The following SLC1A6 variants were observed in gnomAD, a reference collection of about 807,000 sequenced individuals.
SLC1A6 encodes excitatory amino acid transporter 4.
A neutral mutation model predicts 42.1 loss-of-function variants in SLC1A6; 15 were observed. The observed-to-expected ratio is 0.36, with a 90% CI of 0.24 to 0.55. SLC1A6 has a LOEUF of 0.55. Among genes scored for constraint, SLC1A6 ranks in the 20% least tolerant of loss-of-function variants. The pLI, the probability that SLC1A6 is intolerant of heterozygous loss-of-function variation, is 0.88. For synonymous variants in SLC1A6, 317 were observed against 319.7 expected (o/e 0.99, Z 0.09); for missense variants, 542 against 772.5 (o/e 0.70, Z 3.54).
chr19:14,981,783 A>G (rs759042249), upstream of SLC1A6, among the ~76,000 whole-genome samples: 1 of 152,266 alleles, frequency 6.6e-6, no homozygotes, highest in Non-Finnish European at 1.5e-5. Context: ...AAGCCTAAGC[A>G]TGAGAAAAAC....
At chr19:14,960,663 C>T (rs903117136) in intron 6 of SLC1A6, among the ~76,000 whole-genome samples, 9 of 152,084 alleles carry the variant, frequency 5.9e-5, no homozygotes, top group Admixed American at 3.3e-4. Flanking sequence ...ATTGAAATAA[C>T]CAAGACACAG....
intron 1 of SLC1A6, among the ~76,000 whole-genome samples, chr19:14,998,715 T>C (rs2045858702): frequency 6.6e-6 from 1 of 152,144 alleles, no homozygotes; most frequent in Non-Finnish European, 1.5e-5. Context: ...TTCTTTGACA[T>C]ATTTTGAAAT....
chr19:14,980,675 A>G (rs1334024301), upstream of SLC1A6, among the ~76,000 whole-genome samples: 1 of 148,206 alleles, frequency 6.7e-6, no homozygotes, highest in Non-Finnish European at 1.5e-5. Flanking sequence ...AAAAAAAGTC[A>G]GTGCACGTTC....
intron 1 of SLC1A6, 166 bp from the exon 2 acceptor site, chr19:14,973,083 C>T (rs2045663894): frequency 1.7e-6 from 1 of 594,920 alleles, no homozygotes; most frequent in East Asian, 2.8e-5. Flanking sequence ...CTTTGGGAGG[C>T]AGAGGCAGGA....
chr19:14,964,301 T>C lies in SLC1A6; in HGVS notation c.591+18A>G, dbSNP rs762761349. On this transcript the variant is annotated intron_variant, in intron 5 of 9. Transcript: ENST00000594383. Reference sequence around the variant, plus strand: ...ACCCTCCGAATCTCCTTGATCAAACTGTGTACTTCCCCCTGACCTGTTTGA... The same window carrying C: ...ACCCTCCGAATCTCCTTGATCAAACCGTGTACTTCCCCCTGACCTGTTTGA... The C allele has an allele frequency of 1.2e-6, 2 of 1,610,922 alleles. No homozygotes were observed. The highest frequency in any genetic ancestry group is 1.3e-5 in the African/African-American group (1 of 74,820).
chr19:15,001,389 G>C (rs1205261421), intron 1 of SLC1A6, among the ~76,000 whole-genome samples: 2 of 152,158 alleles, frequency 1.3e-5, no homozygotes, highest in African/African-American at 2.4e-5. Context: ...GCAAGAAAGG[G>C]AGAAAGCCAT....
Position 14,952,992 on chromosome 19 carries a change from C to T in SLC1A6, c.1435G>A (p.Val479Met), listed in dbSNP as rs1481740883. The T allele has an allele frequency of 6.2e-7, 1 of 1,613,956 alleles. No homozygotes were observed. The highest frequency in any genetic ancestry group is 8.5e-7 in the Non-Finnish European group (1 of 1,180,026). Residue 479 changes from valine (V) to methionine (M), a missense_variant, in exon 9 of 10, where the codon GTG becomes ATG. Physicochemically the swap from Val to Met is conservative, Grantham distance 21 (BLOSUM62 1). Transcript: ENST00000594383. ...GTGGGCAAGCCGACCGACGTAAGCA[C>T]AATGACCATGGTGACCAGACCCGCC... is the stretch of plus-strand genomic sequence containing the variant. Reference protein sequence around the residue: ...PQAGLVTMVIVLTSVGLPTED... With the variant: ...PQAGLVTMVIMLTSVGLPTED...
At chr19:14,952,901 C>T (rs1445814915) in intron 9 of SLC1A6, 27 bp downstream of exon 9, 1 of 1,608,212 alleles carries the variant, frequency 6.2e-7, no homozygotes, top group Non-Finnish European at 8.5e-7. Flanking sequence ...AGCAGGAGCA[C>T]CAGGGTCCAG....
upstream of SLC1A6, among the ~76,000 whole-genome samples, chr19:14,983,302 C>T (rs1296849709): frequency 6.6e-6 from 1 of 152,014 alleles, no homozygotes. Context: ...TTGTTGATTT[C>T]GCTGTTTAAA....
intron 5 of SLC1A6, 130 bp downstream of exon 5, chr19:14,964,189 T>C (rs1384694930): frequency 4.0e-6 from 3 of 750,112 alleles, no homozygotes; most frequent in Non-Finnish European, 7.3e-6. Context: ...TCTCCTAGAC[T>C]CCTCAAGAAC....
chr19:15,010,208 A>G lies in SLC1A6; in HGVS notation c.6+277T>C, dbSNP rs1203842904. ...GAAAAAAAAAAAAAAGAAAGAAAGAAAAAAGAAAGAGAGAGAGAGAAAAGA... is the reference window on the plus strand; with the variant it reads ...GAAAAAAAAAAAAAAGAAAGAAAGAGAAAAGAAAGAGAGAGAGAGAAAAGA... On this transcript the variant is annotated intron_variant, in intron 1 of 8. Transcript: ENST00000430939. Among the ~76,000 whole-genome samples, 42 of 81,830 alleles carry G rather than the reference A, an allele frequency of 5.1e-4. No individual in the cohort carries two copies. The East Asian group carries it at 7.3e-3, about 14-fold the overall frequency. The allele number at this position is 81,830 out of a possible 152,430, so 53.7% of individuals were successfully genotyped here.
intron 5 of SLC1A6, 111 bp from the exon 6 acceptor site, chr19:14,962,456 T>A: frequency 1.4e-6 from 1 of 726,264 alleles, no homozygotes; most frequent in Non-Finnish European, 2.4e-6. Flanking sequence ...GGAAGATCGA[T>A]AAGATCTTCA....
At chr19:14,962,994 T>C (rs949699873) in intron 5 of SLC1A6, among the ~76,000 whole-genome samples, 2 of 152,190 alleles carry the variant, frequency 1.3e-5, no homozygotes, top group African/African-American at 4.8e-5. Flanking sequence ...CAAAGAGATA[T>C]CTGCTCTCCC....
intron 1 of SLC1A6, chr19:15,010,411 A>G (rs56344453): frequency 0.22 from 97,013 of 443,828 alleles, 11,704 homozygotes; most frequent in African/African-American, 0.26. Flanking sequence ...TGAAGCTGAA[A>G]GAAGGGCCAT....
At chr19:14,999,610 A>G (rs2045863543) in intron 1 of SLC1A6, among the ~76,000 whole-genome samples, 2 of 152,248 alleles carry the variant, frequency 1.3e-5, no homozygotes, top group South Asian at 4.1e-4. Flanking sequence ...TACATGCATT[A>G]TCTCACATAC....
At chr19:14,988,278 C>G (rs990826667) in intron 1 of SLC1A6, among the ~76,000 whole-genome samples, 1 of 152,206 alleles carries the variant, frequency 6.6e-6, no homozygotes, top group Non-Finnish European at 1.5e-5. Flanking sequence ...TGTGCCCCAG[C>G]TGTCTTATTT....
At chr19:14,967,264 G>A (rs551902302) in intron 4 of SLC1A6, among the ~76,000 whole-genome samples, 3 of 152,244 alleles carry the variant, frequency 2.0e-5, no homozygotes, top group Non-Finnish European at 4.4e-5. Flanking sequence ...TCCAGGCTGC[G>A]GGAGCCTGTC....
intron 1 of SLC1A6, among the ~76,000 whole-genome samples, chr19:14,991,849 T>TC (rs2045821800): frequency 8.9e-6 from 1 of 112,506 alleles, no homozygotes; most frequent in South Asian, 3.6e-4. Flanking sequence ...TCTTTTTTTT[T>TC]TTTTTCTAGA....
intron 1 of SLC1A6, chr19:14,973,751 C>T (rs2045672023): frequency 6.6e-6 from 1 of 152,394 alleles, no homozygotes; most frequent in South Asian, 2.1e-4. Context: ...GCTAGTCCCC[C>T]AAATTAGGAC....
Sources: gnomAD v4.1 joint callset for allele counts (sites outside exome capture counted in the v4.1 genomes callset) on GRCh38, gnomAD v4.1.1 for gene constraint, MANE v1.5 for transcripts, NCBI Gene and HGNC (gene_info 2026-07-23, HGNC 2026-07-21) for gene names.